The following C3orf20 variants were observed in gnomAD, a reference collection of about 807,000 sequenced individuals.
C3orf20 encodes uncharacterized protein C3orf20.
Under a neutral mutation model 88.3 loss-of-function variants are expected in C3orf20, and 76 were observed. The observed-to-expected ratio is 0.86, with a 90% CI of 0.72 to 1.04. The LOEUF (loss-of-function observed/expected upper bound fraction) is 1.04, where lower values mean the gene tolerates loss of function less well. Ranked by LOEUF, C3orf20 falls within the 50% of genes least tolerant of loss-of-function variation. C3orf20 has a pLI of 0.00. For synonymous variants in C3orf20, 436 were observed against 437.4 expected, an observed-to-expected ratio of 1.00 and a Z score of 0.04; for missense variants, 1,056 against 1,123.3, an observed-to-expected ratio of 0.94 and a Z score of 0.86.
intron 1 of C3orf20, 56 bp from the exon 2 acceptor site, chr3:14,682,114 A>G (rs2032123700): frequency 6.6e-6 from 1 of 152,322 alleles, no homozygotes; most frequent in Non-Finnish European, 1.5e-5. Flanking sequence ...GGCAAATTAT[A>G]TTAGTGATTG....
chr3:14,763,328 GT>G (rs2035612454), intron 15 of C3orf20, among the ~76,000 whole-genome samples: 1 of 152,174 alleles, frequency 6.6e-6, no homozygotes, highest in Admixed American at 6.5e-5. Context: ...AATGGATTTG[GT>G]GTCTGGGAAG....
Position 14,757,479 on chromosome 3 carries a change from C to T in C3orf20, c.2049C>T (p.Cys683=). 1.2e-6 allele frequency: 2 copies of T among 1,613,586 alleles called. No individual in the cohort carries two copies. The highest frequency in any genetic ancestry group is 1.7e-6 in the Non-Finnish European group (2 of 1,180,004). The change falls in exon 13 of 17, where the codon TGC becomes TGT. Residue 683 remains cysteine (C), a synonymous_variant. Transcript: ENST00000253697. ...LMLKEDTRAG[C]KCLVKAPLVS... ...TCAAGGAAGACACCCGTGCTGGCTG[C>T]AAGTGCCTGGTGAAGGCGCCCCTGG...
intron 12 of C3orf20, among the ~76,000 whole-genome samples, chr3:14,738,815 G>GTTTTT (rs71038433): frequency 1.5e-4 from 15 of 97,780 alleles, no homozygotes; most frequent in African/African-American, 2.1e-4. Context: ...TAATTTTTTT[G>GTTTTT]TTTTTTTTTT....
intron 13 of C3orf20, among the ~76,000 whole-genome samples, chr3:14,758,566 A>C (rs1460940787): frequency 6.6e-6 from 1 of 152,190 alleles, no homozygotes; most frequent in Non-Finnish European, 1.5e-5. Context: ...GGGTGTCCAC[A>C]TGGTGACTTC....
At chr3:14,744,563 TTTACTGTATTAG>T (rs1391874148) in intron 12 of C3orf20, among the ~76,000 whole-genome samples, 1 of 151,990 alleles carries the variant, frequency 6.6e-6, no homozygotes, top group Non-Finnish European at 1.5e-5. Flanking sequence ...CTGGTACCAA[TTTACTGTATTAG>T]TTCGTTTTCA....
chr3:14,705,445 C>T (rs2033459748), intron 7 of C3orf20, among the ~76,000 whole-genome samples: 1 of 152,226 alleles, frequency 6.6e-6, no homozygotes, highest in Admixed American at 6.5e-5. Flanking sequence ...TATCGAGTAT[C>T]TGTCACGTGC....
At chr3:14,720,702 G>A (rs771286183) in intron 9 of C3orf20, among the ~76,000 whole-genome samples, 6 of 152,160 alleles carry the variant, frequency 3.9e-5, no homozygotes, top group Non-Finnish European at 8.8e-5. Context: ...CTCTCCAGGA[G>A]GGTCCCTGCG....
chr3:14,769,856 CTG>C (rs2035812876), intron 15 of C3orf20, among the ~76,000 whole-genome samples: 1 of 152,116 alleles, frequency 6.6e-6, no homozygotes, highest in African/African-American at 2.4e-5. Context: ...GACGGAGGGG[CTG>C]GCTGTGAACT....
chr3:14,728,722 G>A (rs747620122), intron 12 of C3orf20, 34 bp downstream of exon 12: 25 of 1,603,570 alleles, frequency 1.6e-5, no homozygotes, highest in East Asian at 6.7e-5. Flanking sequence ...CCGCAGCATC[G>A]GGTGTTGTGA....
chr3:14,757,810 G>A (rs1036667881), intron 13 of C3orf20, 136 bp downstream of exon 13: 1 of 777,620 alleles, frequency 1.3e-6, no homozygotes, highest in Non-Finnish European at 2.0e-6. Context: ...CTTTCTCCTT[G>A]GAGTCTTTGT....
At position 14,715,311 on chromosome 3, in the gene C3orf20, G is replaced by C. The variant is rs2033897275; in HGVS notation, c.1336G>C (p.Asp446His). Residue 446 changes from aspartate (D) to histidine (H), a missense_variant, in exon 9 of 17, where the codon GAT becomes CAT. Asp to His is a moderately conservative substitution (Grantham distance 81). Coordinates refer to ENST00000253697, the MANE Select transcript of C3orf20 (RefSeq NM_032137.5). ...KTSCPYVLILDEEGGTTNDQQ... is the reference protein window; with the variant it reads ...KTSCPYVLILHEEGGTTNDQQ... Reference sequence around the variant, plus strand: ...TAGTTGCCCATATGTCTTAATCTTGGATGAGGAAGGTGGGACCACCAATGA... The same window carrying C: ...TAGTTGCCCATATGTCTTAATCTTGCATGAGGAAGGTGGGACCACCAATGA... 1 of 1,612,382 alleles carries C rather than the reference G, an allele frequency of 6.2e-7. No individual in the cohort carries two copies.
intron 1 of C3orf20, among the ~76,000 whole-genome samples, chr3:14,677,524 G>A (rs916520328): frequency 1.3e-5 from 2 of 151,818 alleles, no homozygotes; most frequent in Non-Finnish European, 1.5e-5. Context: ...TTTTAGACGG[G>A]AGTTTCGTTC....
intron 12 of C3orf20, among the ~76,000 whole-genome samples, chr3:14,750,400 C>G (rs1281569627): frequency 6.6e-6 from 1 of 152,016 alleles, no homozygotes; most frequent in African/African-American, 2.4e-5. Flanking sequence ...AAACCTGTCT[C>G]TACGAAACAG....
intron 7 of C3orf20, among the ~76,000 whole-genome samples, chr3:14,711,283 G>T (rs1485155440): frequency 1.3e-5 from 2 of 152,042 alleles, no homozygotes; most frequent in Admixed American, 1.3e-4. Flanking sequence ...AACTATTTTT[G>T]TAGAACTATT....
Position 14,768,999 on chromosome 3 carries a change from G to A in C3orf20, c.2496-3068G>A, listed in dbSNP as rs1559451879. On this transcript the variant is annotated intron_variant, in intron 15 of 16. Transcript: ENST00000253697. The surrounding 1 kb of genome is among the most constrained non-coding windows in gnomAD (Gnocchi z 4.1). ...CCCAGCAGGACAGCTGTGTGGCTCT[G>A]CTGGCCTAGTCGTTCACGATCCTCT... 6.6e-6 allele frequency among the ~76,000 whole-genome samples: 1 copy of A among 152,086 alleles called. No homozygotes were observed.
chr3:14,709,473 C>A (rs1225026062), intron 7 of C3orf20, among the ~76,000 whole-genome samples: 2 of 152,102 alleles, frequency 1.3e-5, no homozygotes, highest in Non-Finnish European at 2.9e-5. Context: ...TTCATTCTTT[C>A]ACCATTTATT....
chr3:14,680,451 C>G (rs2032027218), intron 1 of C3orf20, among the ~76,000 whole-genome samples: 1 of 152,044 alleles, frequency 6.6e-6, no homozygotes, highest in Admixed American at 6.5e-5. Flanking sequence ...ATGTCCAGAA[C>G]AGGCAAATCC....
At chr3:14,726,262 A>G (rs1287543088) in intron 10 of C3orf20, among the ~76,000 whole-genome samples, 2 of 152,226 alleles carry the variant, frequency 1.3e-5, no homozygotes, top group Admixed American at 6.5e-5. Context: ...GTAATCCCAA[A>G]TGGAAACAAG....
At chr3:14,767,931 C>T (rs909864793) in intron 15 of C3orf20, among the ~76,000 whole-genome samples, 15 of 152,346 alleles carry the variant, frequency 9.8e-5, no homozygotes, top group Non-Finnish European at 1.3e-4. Context: ...GGACAAAGCA[C>T]GGTATAAACC....
Sources: gnomAD v4.1 joint callset for allele counts (sites outside exome capture counted in the v4.1 genomes callset) on GRCh38, gnomAD v4.1.1 for gene constraint, Gnocchi (gnomAD v3.1) non-coding constraint, MANE v1.5 for transcripts, NCBI Gene and HGNC (gene_info 2026-07-23, HGNC 2026-07-21) for gene names.